The following FCSK variants were observed in gnomAD, a reference collection of about 807,000 sequenced individuals.
The protein encoded by FCSK is fucose kinase.
FCSK carries 123 observed loss-of-function variants against 122.5 expected under a neutral mutation model. The observed-to-expected ratio is 1.00, with a 90% CI of 0.87 to 1.17. FCSK has a LOEUF of 1.17. Among genes scored for constraint, FCSK ranks in the 50% most tolerant of loss-of-function variants. FCSK has a pLI of 0.00. For synonymous variants in FCSK, 620 were observed against 625.5 expected, an observed-to-expected ratio of 0.99 and a Z score of 0.13; for missense variants, 1,366 against 1,450.4, an observed-to-expected ratio of 0.94 and a Z score of 0.95.
chr16:70,474,331 G>GCT lies in FCSK; in HGVS notation c.1981_1982dup (p.Ser662Ter), dbSNP rs866138538. Reference sequence around the variant, plus strand: ...CGCTTGCCCAGGAGAGGGACAAGTGGCTAAGCAGGTGTGTACTAATGGAGG... The same window carrying GCT: ...CGCTTGCCCAGGAGAGGGACAAGTGGCTCTAAGCAGGTGTGTACTAATGGAGG... On this transcript the variant is annotated frameshift_variant, in exon 16 of 24. Transcript: ENST00000288078. LOFTEE classifies it high-confidence loss of function. 1 of 1,613,230 alleles carries GCT rather than the reference G, an allele frequency of 6.2e-7. No homozygotes were observed. The highest frequency in any genetic ancestry group is 1.3e-5 in the African/African-American group (1 of 75,066).
rs1217820476 is a variant in FCSK at position 70,473,272 on chromosome 16, C to T, written c.1696C>T (p.Gln566Ter). The change falls in exon 15 of 24, where the codon CAG becomes TAG. Residue 566 changes from glutamine to a stop codon, truncating the protein, a stop_gained. Transcript: ENST00000288078. LOFTEE classifies it high-confidence loss of function. The surrounding 1 kb of genome is among the most constrained non-coding windows in gnomAD (Gnocchi z 4.9). ...GGCGCGGCACGTGCTGGAGGCCCGGCAGGACCTCAGCCTGCGCCCGCTGAT... is the reference window on the plus strand; with the variant it reads ...GGCGCGGCACGTGCTGGAGGCCCGGTAGGACCTCAGCCTGCGCCCGCTGAT... ...HKARHVLEARQDLSLRPLIWA... is the reference protein window; with the variant it reads ...HKARHVLEAR 4 of 1,530,280 alleles carry T rather than the reference C, an allele frequency of 2.6e-6. No individual in the cohort carries two copies. The highest frequency in any genetic ancestry group is 2.0e-5 in the Admixed American group (1 of 50,700). The allele number at this position is 1,530,280 out of a possible 1,614,324, so 94.8% of individuals were successfully genotyped here.
Position 70,471,019 on chromosome 16 carries a change from G to A in FCSK, c.1117G>A (p.Glu373Lys). ...AGSSVVSCLLEGPVQLGPGSV... is the reference protein window; with the variant it reads ...AGSSVVSCLLKGPVQLGPGSV... ...GAGCTCTGTGGTCAGCTGCCTGCTG[G>A]AGGGCCCTGTCCAGCTGGGTCCTGG... is the stretch of plus-strand genomic sequence containing the variant. Residue 373 changes from glutamate (E) to lysine (K), a missense_variant, in exon 12 of 24, where the codon GAG becomes AAG. Physicochemically the swap from Glu to Lys is moderately conservative, Grantham distance 56 (BLOSUM62 1). Coordinates refer to ENST00000288078, the MANE Select transcript of FCSK (RefSeq NM_145059.3). 1 of 1,602,758 alleles carries A rather than the reference G, an allele frequency of 6.2e-7. No individual in the cohort carries two copies. Among genetic ancestry groups the A allele is most frequent in the Non-Finnish European group, 8.5e-7 (1 of 1,176,628 alleles).
intron 1 of FCSK, among the ~76,000 whole-genome samples, chr16:70,455,242 C>T (rs1327356101): frequency 6.6e-6 from 1 of 152,168 alleles, no homozygotes; most frequent in African/African-American, 2.4e-5. Context: ...TCTGGCTCCC[C>T]AACCCTATCC....
intron 13 of FCSK, 74 bp downstream of exon 13, chr16:70,471,426 C>G: frequency 7.0e-7 from 1 of 1,427,322 alleles, no homozygotes; most frequent in Non-Finnish European, 9.4e-7. Flanking sequence ...GGCCCCCACC[C>G]CACTGCGGGG....
chr16:70,478,101 C>G, intron 20 of FCSK, 171 bp from the exon 21 acceptor site: 1 of 641,972 alleles, frequency 1.6e-6, no homozygotes, highest in East Asian at 2.7e-5. Context: ...AGCCCATTCC[C>G]TTGCTGGGAT....
At position 70,467,918 on chromosome 16, in the gene FCSK, T is replaced by C. The variant is rs755746965; in HGVS notation, c.615T>C (p.Thr205=). Reference sequence around the variant, plus strand: ...TTTTGGACATTTACTACCAGGGCACTGAGGCAGAGATTCAGCGGTGTGTCA... The same window carrying C: ...TTTTGGACATTTACTACCAGGGCACCGAGGCAGAGATTCAGCGGTGTGTCA... The part of the protein sequence containing the change: ...GLVLDIYYQG[T]EAEIQRCVRP... The change falls in exon 8 of 24, where the codon ACT becomes ACC. Residue 205 remains threonine, a synonymous_variant. Transcript: ENST00000288078. The C allele has an allele frequency of 3.1e-6, 5 of 1,614,182 alleles. No individual in the cohort carries two copies. The Admixed American group carries it at 8.3e-5, about 27-fold the overall frequency.
chr16:70,469,636 C>T (rs1364153057), intron 10 of FCSK, among the ~76,000 whole-genome samples: 1 of 152,194 alleles, frequency 6.6e-6, no homozygotes, highest in Non-Finnish European at 1.5e-5. Flanking sequence ...TCACTGCAAC[C>T]TCCGCCTCCT....
intron 4 of FCSK, 65 bp from the exon 5 acceptor site, chr16:70,466,067 A>G (rs2048408755): frequency 1.3e-6 from 2 of 1,564,042 alleles, no homozygotes; most frequent in Admixed American, 1.8e-5. Context: ...TTCTGCCTGC[A>G]CAGCTGATGA....
chr16:70,456,758 C>T (rs767517388), intron 1 of FCSK, among the ~76,000 whole-genome samples: 4 of 152,168 alleles, frequency 2.6e-5, no homozygotes, highest in Admixed American at 6.5e-5. Flanking sequence ...TGGTGGCTCA[C>T]GCCTGTAATC....
chr16:70,457,844 G>A (rs900720313), intron 1 of FCSK: 1 of 150,944 alleles, frequency 6.6e-6, no homozygotes, highest in Non-Finnish European at 1.5e-5. Flanking sequence ...CCATCCGCCT[G>A]TCTTGGCCTC....
In FCSK at chr16:70,469,279, G is replaced by A. The variant is rs375086164; in HGVS notation, c.911G>A (p.Arg304Gln). The A allele has an allele frequency of 8.1e-6, 13 of 1,611,996 alleles. No individual in the cohort carries two copies. The highest frequency in any genetic ancestry group is 1.6e-4 in the Middle Eastern group (1 of 6,078). The change falls in exon 10 of 24, where the codon CGG becomes CAG. Residue 304 changes from arginine (R) to glutamine (Q), a missense_variant. Transcript: ENST00000288078. ...GTAGCGGGTTATCTGCAGAGCGCCC[G>A]GGCCCAGCTGTGGAGGGAGCTTCGC... ...ADVAGYLQSA[R>Q]AQLWRELRDQ...
intron 16 of FCSK, 36 bp from the exon 17 acceptor site, chr16:70,474,492 G>T (rs1199542447): frequency 2.6e-6 from 4 of 1,546,146 alleles, no homozygotes; most frequent in Non-Finnish European, 3.5e-6. Context: ...CCAGCTTGGG[G>T]CTGCATGCCA....
In FCSK at chr16:70,478,288, C is replaced by T. The variant is rs8049046; in HGVS notation, c.2658C>T (p.Asp886=). 0.013 allele frequency: 21,383 copies of T among 1,613,918 alleles called. 2,506 individuals are homozygous for T. In the African/African-American group the frequency reaches 0.25, roughly 19 times the overall value. ...QVLTTGGGWQ[D]QVGGLMPGIK... is the part of the protein sequence containing the mutation. Reference sequence around the variant, plus strand: ...GGCTCACAGGAGGTGGCTGGCAGGACCAAGTAGGTGGCCTAATGCCTGGCA... The same window carrying T: ...GGCTCACAGGAGGTGGCTGGCAGGATCAAGTAGGTGGCCTAATGCCTGGCA... The change falls in exon 21 of 24, where the codon GAC becomes GAT. Residue 886 remains aspartate (D), a synonymous_variant. Transcript: ENST00000288078.
rs1390906723 is a variant in FCSK, at chr16:70,470,276, C to CA, written c.956-37dup. The CA allele has an allele frequency of 2.8e-6, 4 of 1,430,206 alleles. No homozygotes were observed. In the African/African-American group the frequency reaches 5.6e-5, roughly 20 times the overall value. The allele number at this position is 1,430,206 out of a possible 1,614,324, so 88.6% of individuals were successfully genotyped here. A position where few individuals can be genotyped will look rare whatever the true frequency, so the allele number is the denominator to read the frequency against. ...AGGCAGCCTGGCCCCTGAGTCGCAGCAGGCATGGGGTTGGGTTCAGTACTT... is the reference window on the plus strand; with the variant it reads ...AGGCAGCCTGGCCCCTGAGTCGCAGCAAGGCATGGGGTTGGGTTCAGTACTT... On this transcript the variant is annotated intron_variant, in intron 10 of 23. Coordinates refer to ENST00000288078, the MANE Select transcript of FCSK (RefSeq NM_145059.3).
At position 70,466,924 on chromosome 16, in the gene FCSK, G is replaced by A. The variant is rs773981829; in HGVS notation, c.454G>A (p.Asp152Asn). 2.5e-6 allele frequency: 4 copies of A among 1,613,820 alleles called. No homozygotes were observed. The highest frequency in any genetic ancestry group is 1.7e-6 in the Non-Finnish European group (2 of 1,180,024). Residue 152 changes from aspartate to asparagine, a missense_variant, in exon 6 of 24, where the codon GAC becomes AAC. By Grantham distance (23) the Asp-to-Asn change is conservative. Transcript: ENST00000288078. ...SPPGVWVCST[D>N]MLLSVPANPG... ...GCCAGGCGTGTGGGTCTGCAGCACC[G>A]ACATGCTGCTGTCTGTTCCTGCAAA... is the stretch of plus-strand genomic sequence containing the variant.
At chr16:70,475,279 G>A (rs2048768903) in intron 18 of FCSK, 71 bp from the exon 19 acceptor site, 3 of 1,568,506 alleles carry the variant, frequency 1.9e-6, no homozygotes, top group Non-Finnish European at 2.6e-6. Context: ...GGGCTGGGAA[G>A]TCCAGGGTGG....
Position 70,469,298 on chromosome 16 carries a change from G to C in FCSK, c.930G>C (p.Glu310Asp). The change falls in exon 10 of 24, where the codon GAG becomes GAC. Residue 310 changes from glutamate to aspartate, a missense_variant. Physicochemically the swap from Glu to Asp is conservative, Grantham distance 45. Coordinates refer to ENST00000288078, the MANE Select transcript of FCSK (RefSeq NM_145059.3). ...LQSARAQLWR[E>D]LRDQPLTMAY... is the part of the protein sequence containing the mutation. ...GCGCCCGGGCCCAGCTGTGGAGGGA[G>C]CTTCGCGATCAGCCCCTTACCATGG... The C allele has an allele frequency of 6.2e-7, 1 of 1,607,836 alleles. No homozygotes were observed.
intron 1 of FCSK, among the ~76,000 whole-genome samples, chr16:70,461,326 T>G (rs2048257144): frequency 6.6e-6 from 1 of 151,926 alleles, no homozygotes. Flanking sequence ...ATGGGGGTGC[T>G]GCTTTGTGGG....
At chr16:70,478,815 G>A (rs2151733518) in intron 22 of FCSK, 165 bp downstream of exon 22, 1 of 723,454 alleles carries the variant, frequency 1.4e-6, no homozygotes, top group Non-Finnish European at 2.5e-6. Flanking sequence ...ATTTAGGGGA[G>A]AGCTACATCT....
Sources: allele counts gnomAD v4.1 joint callset (sites outside exome capture counted in the v4.1 genomes callset), GRCh38; gene constraint gnomAD v4.1.1; non-coding constraint Gnocchi (gnomAD v3.1); transcripts MANE v1.5; gene names NCBI Gene and HGNC (gene_info 2026-07-23, HGNC 2026-07-21).